NBEA: variants seen among roughly 807,000 people sequenced by gnomAD.
NBEA encodes lysosomal-trafficking regulator 2.
A neutral mutation model predicts 343.4 loss-of-function variants in NBEA; 44 were observed. The ratio of observed to expected loss-of-function variants is 0.13; its 90% CI spans 0.10 to 0.16. NBEA has a LOEUF of 0.16. Among genes scored for constraint, NBEA ranks in the 10% least tolerant of loss-of-function variants. The probability of loss-of-function intolerance (pLI) is 1.00; values close to 1 mark genes in which losing one functional copy is unlikely to be tolerated. For missense variants in NBEA, 2,555 were observed against 3,631.3 expected (o/e 0.70, Z 7.62); for synonymous variants, 1,175 against 1,238.7 (o/e 0.95, Z 1.08).
chr13:35,043,736 T>A (rs2062741955), intron 2 of NBEA, among the ~76,000 whole-genome samples: 1 of 151,972 alleles, frequency 6.6e-6, no homozygotes, highest in Non-Finnish European at 1.5e-5. Flanking sequence ...AAGATAAGCA[T>A]ACTAAGTTTC....
chr13:35,258,294 A>G (rs756693229), intron 34 of NBEA, among the ~76,000 whole-genome samples: 2 of 151,832 alleles, frequency 1.3e-5, no homozygotes, highest in Non-Finnish European at 2.9e-5. Context: ...CAGCCTCCTG[A>G]GTAGCTGGGA....
At chr13:35,121,712 G>GT (rs2066811684) in intron 16 of NBEA, among the ~76,000 whole-genome samples, 1 of 152,026 alleles carries the variant, frequency 6.6e-6, no homozygotes, top group Admixed American at 6.6e-5. Flanking sequence ...AAAAGAAGCA[G>GT]TATCAATAAC....
intron 1 of NBEA, among the ~76,000 whole-genome samples, chr13:35,017,918 A>C (rs1260403790): frequency 6.6e-6 from 1 of 152,126 alleles, no homozygotes; most frequent in Non-Finnish European, 1.5e-5. Flanking sequence ...TGCATATGAT[A>C]TAAAGTAAGG....
At chr13:34,991,829 A>G (rs1421992280) in intron 1 of NBEA, among the ~76,000 whole-genome samples, 2 of 152,210 alleles carry the variant, frequency 1.3e-5, no homozygotes, top group Admixed American at 6.5e-5. Flanking sequence ...AAGCACTTTT[A>G]AAAAACATGC....
At chr13:35,627,285 C>CACTAGGAAGTTGATG (rs2083270075) in intron 48 of NBEA, among the ~76,000 whole-genome samples, 1 of 152,108 alleles carries the variant, frequency 6.6e-6, no homozygotes, top group South Asian at 2.1e-4. Flanking sequence ...CTCTTTAAAT[C>CACTAGGAAGTTGATG]ACTAGGAAGT....
chr13:35,658,403 C>T (rs1009660914), intron 55 of NBEA, among the ~76,000 whole-genome samples: 5 of 152,138 alleles, frequency 3.3e-5, no homozygotes, highest in African/African-American at 1.2e-4. Context: ...GGGAAAAGTG[C>T]TCTTCTAGAA....
chr13:35,188,466 C>T (rs1277137389), intron 30 of NBEA, among the ~76,000 whole-genome samples: 1 of 152,072 alleles, frequency 6.6e-6, no homozygotes, highest in South Asian at 2.1e-4. Context: ...TTTTAAGATT[C>T]CCTATATAAG....
chr13:35,272,257 C>A (rs981743667), intron 34 of NBEA, among the ~76,000 whole-genome samples: 4 of 152,048 alleles, frequency 2.6e-5, no homozygotes, highest in Non-Finnish European at 5.9e-5. Flanking sequence ...GCCAAACTAA[C>A]CTTCGTAAGT....
At chr13:35,638,065 C>A (rs1354377699) in intron 49 of NBEA, among the ~76,000 whole-genome samples, 1 of 152,030 alleles carries the variant, frequency 6.6e-6, no homozygotes, top group South Asian at 2.1e-4. Flanking sequence ...CTTAACGAGT[C>A]AAAATCATAG....
chr13:35,614,462 G>T (rs1197255565), intron 48 of NBEA, among the ~76,000 whole-genome samples: 1 of 152,168 alleles, frequency 6.6e-6, no homozygotes, highest in East Asian at 1.9e-4. Context: ...AAAATTGGTT[G>T]TTTACAATCT....
chr13:35,299,105 A>G (rs1232440948), intron 35 of NBEA, among the ~76,000 whole-genome samples: 1 of 152,152 alleles, frequency 6.6e-6, no homozygotes, highest in Non-Finnish European at 1.5e-5. Context: ...GTTATAATGA[A>G]CATTCACTTT....
At chr13:35,021,910 AT>A (rs1370088810) in intron 1 of NBEA, among the ~76,000 whole-genome samples, 2 of 152,150 alleles carry the variant, frequency 1.3e-5, no homozygotes, top group Non-Finnish European at 2.9e-5. Flanking sequence ...GATACTTAAC[AT>A]TCTGGTGCTC....
chr13:35,666,210 G>A (rs564718706), intron 56 of NBEA, among the ~76,000 whole-genome samples: 1 of 152,090 alleles, frequency 6.6e-6, no homozygotes, highest in East Asian at 1.9e-4. Flanking sequence ...TTTAATCGAG[G>A]TGATGAGATA....
intron 31 of NBEA, among the ~76,000 whole-genome samples, chr13:35,207,069 G>T (rs953047205): frequency 3.4e-4 from 51 of 151,706 alleles, no homozygotes; most frequent in African/African-American, 1.2e-3. Context: ...AAATTTTTTG[G>T]CATGAGTAAA....
intron 1 of NBEA, among the ~76,000 whole-genome samples, chr13:34,970,928 A>G (rs554120204): frequency 6.6e-6 from 1 of 152,116 alleles, no homozygotes; most frequent in Non-Finnish European, 1.5e-5. Flanking sequence ...ATGGTAGTTT[A>G]ATGCGAATAG....
In NBEA at chr13:35,058,812, A is replaced by G; in HGVS notation, c.1188A>G (p.Ala396=). The G allele has an allele frequency of 3.1e-6, 5 of 1,608,230 alleles. No homozygotes were observed. Among genetic ancestry groups the G allele is most frequent in the Non-Finnish European group, 1.7e-6 (2 of 1,176,970 alleles). Residue 396 remains alanine, a synonymous_variant, in exon 8 of 59, where the codon GCA becomes GCG. Transcript: ENST00000379939. ...GTGCCGTGTATGTGTTCAGTGAAGCACTCAACCCAGCACAGATATTTGCAA... is the reference window on the plus strand; with the variant it reads ...GTGCCGTGTATGTGTTCAGTGAAGCGCTCAACCCAGCACAGATATTTGCAA... The part of the protein sequence containing the change: ...QLGAVYVFSE[A]LNPAQIFAIH...
intron 1 of NBEA, among the ~76,000 whole-genome samples, chr13:35,030,986 C>T (rs1225688850): frequency 6.6e-6 from 1 of 151,584 alleles, no homozygotes; most frequent in Admixed American, 6.6e-5. Context: ...CCCATCTCTG[C>T]TATTTACATA....
At chr13:35,487,826 C>T (rs1166014750) in intron 41 of NBEA, among the ~76,000 whole-genome samples, 1 of 151,780 alleles carries the variant, frequency 6.6e-6, no homozygotes, top group Non-Finnish European at 1.5e-5. Flanking sequence ...GCTATTACAC[C>T]TTTGGCATCT....
intron 47 of NBEA, among the ~76,000 whole-genome samples, chr13:35,603,380 C>T (rs937840541): frequency 6.6e-6 from 1 of 152,142 alleles, no homozygotes; most frequent in African/African-American, 2.4e-5. Context: ...ACTAAAATTG[C>T]ATTTTCCCCA....
Sources: allele counts gnomAD v4.1 joint callset (sites outside exome capture counted in the v4.1 genomes callset), GRCh38; gene constraint gnomAD v4.1.1; transcripts MANE v1.5; gene names NCBI Gene and HGNC (gene_info 2026-07-23, HGNC 2026-07-21).